UTP25: variants seen among roughly 807,000 people sequenced by gnomAD.
UTP25 encodes the protein U3 small nucleolar RNA-associated protein 25 homolog.
UTP25 carries 50 observed loss-of-function variants against 78.9 expected under a neutral mutation model. That is an observed-to-expected ratio of 0.63 (90% CI 0.50 to 0.80). The LOEUF is 0.80. Ranked by LOEUF, UTP25 falls within the 30% of genes least tolerant of loss-of-function variation. The probability of loss-of-function intolerance (pLI) is 0.00; values close to 1 mark genes in which losing one functional copy is unlikely to be tolerated. For synonymous variants in UTP25, 329 were observed against 336.5 expected (o/e 0.98, Z 0.24); for missense variants, 846 against 911.3 (o/e 0.93, Z 0.92).
chr1:209,846,032 T>G (rs1484366762), intron 11 of UTP25, among the ~76,000 whole-genome samples: 1 of 152,062 alleles, frequency 6.6e-6, no homozygotes, highest in Non-Finnish European at 1.5e-5. Context: ...GATTTTTGTA[T>G]TTTTAGTAGA....
At chr1:209,838,599 GT>G (rs1348189056) in intron 6 of UTP25, among the ~76,000 whole-genome samples, 1 of 152,188 alleles carries the variant, frequency 6.6e-6, no homozygotes, top group African/African-American at 2.4e-5. Flanking sequence ...ATGTCCTTGA[GT>G]TTTTACTGGT....
chr1:209,837,252 G>A, intron 6 of UTP25, 41 bp downstream of exon 6: 1 of 1,587,304 alleles, frequency 6.3e-7, no homozygotes, highest in Admixed American at 1.7e-5. Context: ...GGAGGTGGCT[G>A]CAAGGCACTG....
rs11805651 is a variant in UTP25 at position 209,831,557 on chromosome 1, T to C, written c.388+514T>C. Among the ~76,000 whole-genome samples, 426 of 152,338 alleles carry C rather than the reference T, an allele frequency of 2.8e-3. 4 individuals are homozygous for C. The highest frequency in any genetic ancestry group is 9.7e-3 in the African/African-American group (405 of 41,578). On this transcript the variant is annotated intron_variant, in intron 3 of 11. Transcript: ENST00000491415. The stretch of plus-strand genomic sequence containing the variant: ...CACTCAGACTTGAAGGTGACTTTTT[T>C]CTTTAACTTCAAAATCACCTTCATT...
chr1:209,840,185 A>G (rs1191287146), intron 7 of UTP25, among the ~76,000 whole-genome samples: 1 of 152,258 alleles, frequency 6.6e-6, no homozygotes, highest in East Asian at 1.9e-4. Context: ...TCTGGAGCTC[A>G]GGAAAAAGAT....
chr1:209,855,121 C>T lies in UTP25; in HGVS notation c.*3674C>T, dbSNP rs988782346. 1.5e-4 allele frequency: 23 copies of T among 152,262 alleles called. No homozygotes were observed. Among genetic ancestry groups the T allele is most frequent in the African/African-American group, 3.9e-4 (16 of 41,558 alleles). 9.4% of individuals were successfully genotyped at this position (152,262 alleles called of 1,614,324 possible). ...AAGCATTGGAAGGGGAAAGAGGGAACGCTTCTTTCCCTCTGGGCTTGGTCA... is the reference window on the plus strand; with the variant it reads ...AAGCATTGGAAGGGGAAAGAGGGAATGCTTCTTTCCCTCTGGGCTTGGTCA... On this transcript the variant is annotated 3_prime_UTR_variant, in exon 12 of 12. Coordinates refer to ENST00000491415, the MANE Select transcript of UTP25 (RefSeq NM_014388.7).
intron 11 of UTP25, among the ~76,000 whole-genome samples, chr1:209,847,836 GT>G (rs1190785125): frequency 1.3e-5 from 2 of 152,172 alleles, no homozygotes; most frequent in Admixed American, 1.3e-4. Flanking sequence ...AAACACCTTC[GT>G]TCACAGGACA....
rs2102564686 is a variant in UTP25, at chr1:209,828,012, TC to T, written c.-50del. The T allele has an allele frequency of 2.1e-6, 3 of 1,454,468 alleles. No homozygotes were observed. The highest frequency in any genetic ancestry group is 2.9e-6 in the Non-Finnish European group (3 of 1,034,822). The allele number at this position is 1,454,468 out of a possible 1,614,324, so 90.1% of individuals were successfully genotyped here. ...ACGTGCTTGTGTTGACTGGACAACT[TC>T]CTGGTGGAAAACCGCGACTCTTGCA... On this transcript the variant is annotated 5_prime_UTR_variant, in exon 1 of 12. Coordinates refer to ENST00000491415, the MANE Select transcript of UTP25 (RefSeq NM_014388.7).
At chr1:209,839,235 T>C (rs1224417000) in intron 7 of UTP25, 107 bp downstream of exon 7, 2 of 1,052,146 alleles carry the variant, frequency 1.9e-6, no homozygotes, top group Middle Eastern at 2.1e-4. Flanking sequence ...ACTGTGCCTC[T>C]TTAACAGAAC....
At chr1:209,839,228 G>A (rs2078152667) in intron 7 of UTP25, 100 bp downstream of exon 7, 1 of 1,127,488 alleles carries the variant, frequency 8.9e-7, no homozygotes, top group South Asian at 1.6e-5. Context: ...ATCACTCACT[G>A]TGCCTCTTTA....
At chr1:209,835,842 C>A (rs2078129815) in intron 5 of UTP25, among the ~76,000 whole-genome samples, 1 of 152,196 alleles carries the variant, frequency 6.6e-6, no homozygotes, top group African/African-American at 2.4e-5. Context: ...AGCCAGGAAA[C>A]TGACATTGAT....
At chr1:209,833,475 G>T (rs1360918080) in intron 4 of UTP25, 117 bp downstream of exon 4, 1 of 884,658 alleles carries the variant, frequency 1.1e-6, no homozygotes, top group Non-Finnish European at 1.6e-6. Flanking sequence ...TTAGTGGCTA[G>T]ATCTAGAGCT....
At chr1:209,838,512 T>G (rs2078147499) in intron 6 of UTP25, among the ~76,000 whole-genome samples, 1 of 152,252 alleles carries the variant, frequency 6.6e-6, no homozygotes. Context: ...ATTTATTCAC[T>G]GTGTCTTTAG....
chr1:209,842,094 G>A (rs188937999), intron 8 of UTP25, among the ~76,000 whole-genome samples, 171 bp from the exon 9 acceptor site: 2 of 152,246 alleles, frequency 1.3e-5, no homozygotes, highest in African/African-American at 4.8e-5. Flanking sequence ...CTCCTCATTG[G>A]GGATGTTTGG....
At position 209,833,176 on chromosome 1, in the gene UTP25, A is replaced by G. The variant is rs1166081287; in HGVS notation, c.389-9A>G. 2 of 1,605,366 alleles carry G rather than the reference A, an allele frequency of 1.2e-6. No homozygotes were observed. The highest frequency in any genetic ancestry group is 3.5e-5 in the Admixed American group (2 of 57,750). ...AAATAATTTTATAAAATGTTTCTCAAAACTGCAGATGTAGCTTTATCTGCT... is the reference window on the plus strand; with the variant it reads ...AAATAATTTTATAAAATGTTTCTCAGAACTGCAGATGTAGCTTTATCTGCT... On this transcript the variant is annotated splice_polypyrimidine_tract_variant and intron_variant, in intron 3 of 11. Coordinates refer to ENST00000491415, the MANE Select transcript of UTP25 (RefSeq NM_014388.7).
intron 2 of UTP25, among the ~76,000 whole-genome samples, chr1:209,830,499 C>CT (rs1491377757): frequency 2.9e-4 from 26 of 88,886 alleles, no homozygotes; most frequent in Non-Finnish European, 4.9e-4. Flanking sequence ...TTACAACAAA[C>CT]TAAAAAAAAA....
At position 209,840,973 on chromosome 1, in the gene UTP25, A is replaced by T. The variant is rs1558054625; in HGVS notation, c.1403A>T (p.Asp468Val). The T allele has an allele frequency of 1.9e-6, 3 of 1,614,066 alleles. No individual in the cohort carries two copies. The highest frequency in any genetic ancestry group is 2.5e-6 in the Non-Finnish European group (3 of 1,179,978). ...GGTGGAGAAGGAGAGAAGAAGAGAG[A>T]TTTTGACTTTCTGTCTTCTATCGAG... ...IIGGEGEKKRDFDFLSSIELL... is the reference protein window; with the variant it reads ...IIGGEGEKKRVFDFLSSIELL... The change falls in exon 8 of 12, where the codon GAT becomes GTT. Residue 468 changes from aspartate (D) to valine (V), a missense_variant. Asp to Val is a radical substitution (Grantham distance 152, BLOSUM62 -3). Coordinates refer to ENST00000491415, the MANE Select transcript of UTP25 (RefSeq NM_014388.7).
chr1:209,833,884 C>T (rs753780723), intron 4 of UTP25, among the ~76,000 whole-genome samples: 7 of 152,108 alleles, frequency 4.6e-5, no homozygotes, highest in Admixed American at 6.5e-5. Context: ...GTGCCTATGG[C>T]GGGCTTTGAT....
chr1:209,857,520 G>A lies in UTP25; in HGVS notation c.*6073G>A, dbSNP rs953941900. 1 of 152,122 alleles carries A rather than the reference G, an allele frequency of 6.6e-6. No individual in the cohort carries two copies. Among genetic ancestry groups the A allele is most frequent in the African/African-American group, 2.4e-5 (1 of 41,398 alleles). 9.4% of individuals were successfully genotyped at this position (152,122 alleles called of 1,614,324 possible). A position where few individuals can be genotyped will look rare whatever the true frequency, so the allele number is the denominator to read the frequency against. On this transcript the variant is annotated 3_prime_UTR_variant, in exon 12 of 12. Coordinates refer to ENST00000491415, the MANE Select transcript of UTP25 (RefSeq NM_014388.7). Reference sequence around the variant, plus strand: ...ATGAATAATAACCAACAATGTGTGTGTATGTATATATATGCTTTTGCATTA... The same window carrying A: ...ATGAATAATAACCAACAATGTGTGTATATGTATATATATGCTTTTGCATTA...
chr1:209,844,651 A>C (rs2102579117), intron 11 of UTP25: 1 of 155,370 alleles, frequency 6.4e-6, no homozygotes, highest in African/African-American at 2.4e-5. Flanking sequence ...AAAAAAAAAA[A>C]AAAACCAACT....
Sources: gnomAD v4.1 joint callset for allele counts (sites outside exome capture counted in the v4.1 genomes callset) on GRCh38, gnomAD v4.1.1 for gene constraint, MANE v1.5 for transcripts, NCBI Gene and HGNC (gene_info 2026-07-23, HGNC 2026-07-21) for gene names.